Variants in NF1 observed in about 807,000 individuals in gnomAD.
NF1 encodes neurofibromin.
A neutral mutation model predicts 325.7 loss-of-function variants in NF1; 122 were observed. That is an observed-to-expected ratio of 0.37 (90% CI 0.32 to 0.44). NF1 has a LOEUF of 0.44. Ranked by LOEUF, NF1 falls within the 20% of genes least tolerant of loss-of-function variation. NF1 has a pLI of 1.00. For synonymous variants in NF1, 1,091 were observed against 1,186.0 expected (o/e 0.92, Z 1.65); for missense variants, 2,140 against 3,415.4 (o/e 0.63, Z 9.31).
chr17:31,210,564 C>T (rs558170885), intron 12 of NF1, among the ~76,000 whole-genome samples: 1 of 152,178 alleles, frequency 6.6e-6, no homozygotes, highest in African/African-American at 2.4e-5. Flanking sequence ...TCAGCCTGGG[C>T]AACGGAGCGA....
rs151293900 is a variant in NF1 at position 31,233,177 on chromosome 17, G to A, written c.3672G>A (p.Ala1224=). The part of the protein sequence containing the change: ...MMGDQGELPI[A]MALANVVPCS... Reference sequence around the variant, plus strand: ...GTGATCAAGGAGAACTCCCTATAGCGATGGCTCTGGCCAATGTGGTTCCTT... The same window carrying A: ...GTGATCAAGGAGAACTCCCTATAGCAATGGCTCTGGCCAATGTGGTTCCTT... The change falls in exon 27 of 58, where the codon GCG becomes GCA. Residue 1224 remains alanine, a synonymous_variant. Transcript: ENST00000358273. The A allele has an allele frequency of 3.3e-5, 53 of 1,614,088 alleles. No individual in the cohort carries two copies. In the African/African-American group the frequency reaches 4.0e-4, roughly 12 times the overall value.
chr17:31,345,773 G>A, intron 48 of NF1: 1 of 1,613,062 alleles, frequency 6.2e-7, no homozygotes, highest in African/African-American at 1.3e-5. Context: ...GCCAGCACTG[G>A]CTCCTTGATG....
intron 39 of NF1, among the ~76,000 whole-genome samples, chr17:31,334,178 A>C (rs185317003): frequency 6.9e-6 from 1 of 144,950 alleles, no homozygotes; most frequent in Non-Finnish European, 1.5e-5. Flanking sequence ...AGTCCCAGCT[A>C]CTCGGGAGGC....
chr17:31,151,623 A>G (rs1259240548), intron 1 of NF1, among the ~76,000 whole-genome samples: 2 of 152,196 alleles, frequency 1.3e-5, no homozygotes, highest in Non-Finnish European at 2.9e-5. Context: ...CATATAGCCT[A>G]CACACATCCT....
chr17:31,352,548 T>A, intron 51 of NF1, 134 bp downstream of exon 51: 2 of 748,286 alleles, frequency 2.7e-6, no homozygotes, highest in African/African-American at 1.8e-5. Context: ...TGATGCCATT[T>A]AAAAGAGAGT....
At position 31,295,929 on chromosome 17, in the gene NF1, G is replaced by C. The variant is rs1359488926; in HGVS notation, c.4836-29891G>C. 9 of 1,614,100 alleles carry C rather than the reference G, an allele frequency of 5.6e-6. No individual in the cohort carries two copies. In the South Asian group the frequency reaches 6.6e-5, roughly 12 times the overall value. The stretch of plus-strand genomic sequence containing the variant: ...TTTTTAATGAGGACAACCTTTTCCA[G>C]CATGTTCTTAGAAACATCCAGATAT... On this transcript the variant is annotated intron_variant, in intron 36 of 57. Coordinates refer to ENST00000358273, the MANE Select transcript of NF1 (RefSeq NM_001042492.3).
chr17:31,281,967 G>A (rs898400707), intron 36 of NF1, among the ~76,000 whole-genome samples: 6 of 152,014 alleles, frequency 3.9e-5, no homozygotes, highest in African/African-American at 1.5e-4. Context: ...GGCTGAGGTG[G>A]GAGAATCACT....
Position 31,236,061 on chromosome 17 carries a change from T to G in NF1, c.3974+40T>G, listed in dbSNP as rs760137326. ...CACATAGAACCGCTGTTTTTTGTTT[T>G]TTTTTTTTTGTTTGTTTGTTTTACT... On this transcript the variant is annotated intron_variant, in intron 29 of 57. Coordinates refer to ENST00000358273, the MANE Select transcript of NF1 (RefSeq NM_001042492.3). The G allele has an allele frequency of 2.7e-3, 3,943 of 1,480,512 alleles. 30 individuals carry two copies. The highest frequency in any genetic ancestry group is 2.9e-3 in the Non-Finnish European group (3,157 of 1,076,920). The allele number at this position is 1,480,512 out of a possible 1,614,324, so 91.7% of individuals were successfully genotyped here.
chr17:31,248,200 C>T (rs1263537557), intron 29 of NF1, among the ~76,000 whole-genome samples: 1 of 122,220 alleles, frequency 8.2e-6, no homozygotes, highest in African/African-American at 3.5e-5. Context: ...GAAACTCCAT[C>T]CCCCGCCCCC....
chr17:31,349,298 A>G (rs2151573162), intron 49 of NF1, 47 bp downstream of exon 49: 1 of 1,590,978 alleles, frequency 6.3e-7, no homozygotes, highest in Non-Finnish European at 8.6e-7. Context: ...ATCTATATAT[A>G]AGGATCACCC....
chr17:31,333,147 GA>G (rs2069550265), intron 39 of NF1, among the ~76,000 whole-genome samples: 1 of 151,998 alleles, frequency 6.6e-6, no homozygotes, highest in African/African-American at 2.4e-5. Context: ...GCTTGGCAAA[GA>G]TTTTTTTTTT....
intron 1 of NF1, among the ~76,000 whole-genome samples, chr17:31,122,249 G>C (rs1379631764): frequency 6.6e-6 from 1 of 152,172 alleles, no homozygotes; most frequent in Non-Finnish European, 1.5e-5. Flanking sequence ...TTGTTTAGGA[G>C]ATGAAATTGG....
rs755260088 is a variant in NF1 at position 31,352,349 on chromosome 17, G to C, written c.7550G>C (p.Arg2517Pro). 3.1e-6 allele frequency: 5 copies of C among 1,614,042 alleles called. No individual in the cohort carries two copies. In the South Asian group the frequency reaches 5.5e-5, roughly 18 times the overall value. The change falls in exon 51 of 58, where the codon CGA (arginine) becomes CCA (proline). Residue 2517 changes from arginine (R) to proline (P), a missense_variant. This residue lies in a region of NF1 where 522 missense variants were observed against 749.0 expected (regional missense o/e 0.70). Coordinates refer to ENST00000358273, the MANE Select transcript of NF1 (RefSeq NM_001042492.3). The stretch of plus-strand genomic sequence containing the variant: ...CCAACTGTCGGCCAGACCAGTCCCC[G>C]AGCCAGGAAATCCATGAGCCTGGAC... ...TYPTVGQTSP[R>P]ARKSMSLDMG...
intron 36 of NF1, among the ~76,000 whole-genome samples, chr17:31,282,727 A>T (rs2068144555): frequency 6.6e-6 from 1 of 152,228 alleles, no homozygotes; most frequent in Admixed American, 6.5e-5. Flanking sequence ...TTGTATTCAT[A>T]CAATATATAA....
At chr17:31,254,096 C>G (rs2067538107) in intron 31 of NF1, 1 of 151,106 alleles carries the variant, frequency 6.6e-6, no homozygotes, top group Non-Finnish European at 1.5e-5. Context: ...CGAGTCGTCT[C>G]TACAAATAAT....
intron 1 of NF1, among the ~76,000 whole-genome samples, chr17:31,126,244 A>G (rs1914879017): frequency 6.6e-6 from 1 of 152,140 alleles, no homozygotes; most frequent in East Asian, 1.9e-4. Context: ...GTTTCATTGT[A>G]ATTTGAATCT....
intron 1 of NF1, among the ~76,000 whole-genome samples, chr17:31,141,105 C>T (rs1189219137): frequency 6.6e-6 from 1 of 152,188 alleles, no homozygotes; most frequent in Admixed American, 6.5e-5. Context: ...AACACTTACA[C>T]ACACACACAT....
At chr17:31,332,574 G>T (rs7503951) in intron 39 of NF1, among the ~76,000 whole-genome samples, 76,058 of 86,638 alleles carry the variant, frequency 0.88, 33,754 homozygotes, top group South Asian at 0.96. Flanking sequence ...ACAGATCATG[G>T]TTTTTTTTTT....
intron 30 of NF1, chr17:31,252,377 T>A (rs1302522017): frequency 2.0e-5 from 4 of 199,060 alleles, no homozygotes; most frequent in African/African-American, 9.2e-5. Flanking sequence ...AGAGTAATCT[T>A]TTTTAGAGAG....
Sources: allele counts gnomAD v4.1 joint callset (sites outside exome capture counted in the v4.1 genomes callset), GRCh38; gene constraint gnomAD v4.1.1; regional missense constraint gnomAD v4.1.1; transcripts MANE v1.5; gene names NCBI Gene and HGNC (gene_info 2026-07-23, HGNC 2026-07-21).